Variants in CRB1 observed in about 807,000 individuals in gnomAD.
The protein encoded by CRB1 is protein crumbs homolog 1.
Under a neutral mutation model 120.0 loss-of-function variants are expected in CRB1, and 83 were observed. The ratio of observed to expected loss-of-function variants is 0.69; its 90% CI spans 0.58 to 0.83. The LOEUF (loss-of-function observed/expected upper bound fraction) is 0.83, where lower values mean the gene tolerates loss of function less well. Ranked by LOEUF, CRB1 falls within the 40% of genes least tolerant of loss-of-function variation. CRB1 has a pLI of 0.00. For missense variants in CRB1, 1,699 were observed against 1,687.6 expected, an observed-to-expected ratio of 1.01 and a Z score of -0.12; for synonymous variants, 625 against 612.5, an observed-to-expected ratio of 1.02 and a Z score of -0.30.
intron 5 of CRB1, chr1:197,358,215 CTT>C (rs1055410146): frequency 1.3e-5 from 2 of 152,116 alleles, no homozygotes; most frequent in African/African-American, 4.8e-5. Context: ...ACTATTGCCT[CTT>C]TTCAAAAATT....
At chr1:197,323,124 A>G in intron 1 of CRB1, among the ~76,000 whole-genome samples, 1 of 152,194 alleles carries the variant, frequency 6.6e-6, no homozygotes, top group Non-Finnish European at 1.5e-5. Flanking sequence ...TTTCATTCTT[A>G]TATTGATTGC....
rs149070363 is a variant in CRB1 at position 197,294,799 on chromosome 1, C to T, written c.70+26317C>T. ...GAAACTATCATTCTCAGCAAACTGT[C>T]GCAAGGACAAAAAACCAAACACCGC... On this transcript the variant is annotated intron_variant, in intron 1 of 11. Coordinates refer to ENST00000367400, the MANE Select transcript of CRB1 (RefSeq NM_201253.3). Among the ~76,000 whole-genome samples the T allele has an allele frequency of 2.1e-3, 324 of 152,110 alleles. 3 individuals are homozygous for T. Among genetic ancestry groups the T allele is most frequent in the African/African-American group, 8.7e-4 (36 of 41,538 alleles).
In CRB1 at chr1:197,456,523, G is replaced by T. The variant is rs1056302634; in HGVS notation, c.4005+14231G>T. Reference sequence around the variant, plus strand: ...AAATTTACAGGATGAAAAAGGCAAGGCTTGACCATTAGTCACCACTTTGTT... The same window carrying T: ...AAATTTACAGGATGAAAAAGGCAAGTCTTGACCATTAGTCACCACTTTGTT... On this transcript the variant is annotated intron_variant, in intron 11 of 11. Transcript: ENST00000367400. 3.3e-5 allele frequency among the ~76,000 whole-genome samples: 5 copies of T among 152,080 alleles called. 1 individual carries two copies. In the South Asian group the frequency reaches 1.0e-3, roughly 32 times the overall value.
At chr1:197,370,718 T>G (rs1661325583) in intron 5 of CRB1, among the ~76,000 whole-genome samples, 1 of 152,148 alleles carries the variant, frequency 6.6e-6, no homozygotes, top group Non-Finnish European at 1.5e-5. Context: ...AAAACCCACC[T>G]CATGTTGAAG....
chr1:197,246,441 T>G, the CRB1 span, among the ~76,000 whole-genome samples: 1 of 152,114 alleles, frequency 6.6e-6, no homozygotes, highest in African/African-American at 2.4e-5. Context: ...GATATATGAA[T>G]CCAAAAGAAA....
At chr1:197,370,921 T>A in intron 5 of CRB1, among the ~76,000 whole-genome samples, 1 of 152,240 alleles carries the variant, frequency 6.6e-6, no homozygotes, top group East Asian at 1.9e-4. Context: ...TTCCAATGAC[T>A]GTGACTGCCA....
In CRB1 at chr1:197,478,200, G is replaced by A. The variant is rs1667284983; in HGVS notation, c.*321G>A. 1 of 339,878 alleles carries A rather than the reference G, an allele frequency of 2.9e-6. No homozygotes were observed. The highest frequency in any genetic ancestry group is 2.1e-5 in the African/African-American group (1 of 47,152). The allele number at this position is 339,878 out of a possible 1,614,324, so 21.1% of individuals were successfully genotyped here. On this transcript the variant is annotated 3_prime_UTR_variant, in exon 12 of 12. Transcript: ENST00000367400. ...AAACTCTTTCCTCTTTTCAACCTGG[G>A]AACAAATTTTAGTTTTCATTTTAGG...
intron 2 of CRB1, among the ~76,000 whole-genome samples, chr1:197,333,552 A>G (rs989785691): frequency 2.2e-4 from 33 of 152,234 alleles, no homozygotes; most frequent in African/African-American, 8.0e-4. Context: ...AGTTCAATGT[A>G]TGTTGAAACA....
the CRB1 span, among the ~76,000 whole-genome samples, chr1:197,203,237 T>C: frequency 6.6e-6 from 1 of 152,218 alleles, no homozygotes; most frequent in South Asian, 2.1e-4. Flanking sequence ...AATTTTTAAA[T>C]GGAGCAAATA....
intron 1 of CRB1, among the ~76,000 whole-genome samples, chr1:197,311,803 A>G (rs1207938149): frequency 1.3e-5 from 2 of 151,422 alleles, no homozygotes; most frequent in African/African-American, 2.4e-5. Flanking sequence ...TACACTATTA[A>G]TATTATTTAT....
the CRB1 span, among the ~76,000 whole-genome samples, chr1:197,252,826 T>C: frequency 6.6e-6 from 1 of 151,398 alleles, no homozygotes; most frequent in Non-Finnish European, 1.5e-5. Context: ...CAGGAGAATA[T>C]GGATGTCCCA....
intron 2 of CRB1, among the ~76,000 whole-genome samples, chr1:197,334,951 T>A (rs2786113): frequency 6.6e-6 from 1 of 152,052 alleles, no homozygotes; most frequent in South Asian, 2.1e-4. Flanking sequence ...GGGTAATAAC[T>A]GCATGGAGAA....
intron 8 of CRB1, among the ~76,000 whole-genome samples, chr1:197,433,828 C>T (rs1192104029): frequency 2.0e-5 from 3 of 152,192 alleles, no homozygotes; most frequent in Admixed American, 1.3e-4. Flanking sequence ...GGTGGGAATA[C>T]AGACAATACG....
At position 197,347,324 on chromosome 1, in the gene CRB1, T is replaced by G; in HGVS notation, c.849-16T>G. On this transcript the variant is annotated splice_polypyrimidine_tract_variant and intron_variant, in intron 3 of 11. Coordinates refer to ENST00000367400, the MANE Select transcript of CRB1 (RefSeq NM_201253.3). Reference sequence around the variant, plus strand: ...TATGACTAAGAGTTGACATGAAAATTTCATTTACTTTCCAGATATAGCTGT... The same window carrying G: ...TATGACTAAGAGTTGACATGAAAATGTCATTTACTTTCCAGATATAGCTGT... 1 of 1,612,128 alleles carries G rather than the reference T, an allele frequency of 6.2e-7. No homozygotes were observed. The highest frequency in any genetic ancestry group is 8.5e-7 in the Non-Finnish European group (1 of 1,178,250).
chr1:197,219,612 C>T, the CRB1 span, among the ~76,000 whole-genome samples: 6 of 152,196 alleles, frequency 3.9e-5, no homozygotes, highest in East Asian at 5.8e-4. Flanking sequence ...TGTCGCACAG[C>T]GAATACGCAG....
the CRB1 span, among the ~76,000 whole-genome samples, chr1:197,228,313 A>G: frequency 6.6e-6 from 1 of 152,146 alleles, no homozygotes; most frequent in African/African-American, 2.4e-5. Context: ...TCGCTTTTGA[A>G]ATGAAAAGCT....
intron 5 of CRB1, among the ~76,000 whole-genome samples, chr1:197,360,662 G>A (rs960265690): frequency 3.9e-5 from 6 of 152,194 alleles, no homozygotes; most frequent in African/African-American, 1.2e-4. Flanking sequence ...ATTGTGTATA[G>A]TGAGACTTTG....
chr1:197,305,834 A>C (rs1657137444), intron 1 of CRB1, among the ~76,000 whole-genome samples: 2 of 151,712 alleles, frequency 1.3e-5, no homozygotes, highest in South Asian at 4.2e-4. Context: ...AAAGAATGTA[A>C]TACAGAAAGA....
chr1:197,331,647 A>C (rs1158423889), intron 2 of CRB1, among the ~76,000 whole-genome samples: 1 of 152,168 alleles, frequency 6.6e-6, no homozygotes, highest in African/African-American at 2.4e-5. Flanking sequence ...GTTCATTAAG[A>C]TAGTGTCTTC....
Sources: gnomAD v4.1 joint callset for allele counts (sites outside exome capture counted in the v4.1 genomes callset) on GRCh38, gnomAD v4.1.1 for gene constraint, MANE v1.5 for transcripts, NCBI Gene and HGNC (gene_info 2026-07-23, HGNC 2026-07-21) for gene names.